The following TIMP3 variants were observed in gnomAD, a reference collection of about 807,000 sequenced individuals.
TIMP3 encodes metalloproteinase inhibitor 3.
TIMP3 carries 11 observed loss-of-function variants against 30.0 expected under a neutral mutation model. The observed-to-expected ratio is 0.37, with a 90% CI of 0.23 to 0.61. The LOEUF (loss-of-function observed/expected upper bound fraction) is 0.61, where lower values mean the gene tolerates loss of function less well. Among genes scored for constraint, TIMP3 ranks in the 20% least tolerant of loss-of-function variants. TIMP3 has a pLI of 0.70. For synonymous variants in TIMP3, 112 were observed against 111.3 expected (o/e 1.01, Z -0.04); for missense variants, 181 against 276.8 (o/e 0.65, Z 2.45).
intron 1 of TIMP3, among the ~76,000 whole-genome samples, chr22:32,833,366 C>G (rs564311396): frequency 7.2e-5 from 11 of 152,086 alleles, no homozygotes; most frequent in African/African-American, 2.7e-4. Flanking sequence ...TTTTGTAAGC[C>G]CAAGATGTCA....
intron 1 of TIMP3, among the ~76,000 whole-genome samples, chr22:32,803,852 T>C (rs1037579209): frequency 2.0e-5 from 3 of 152,108 alleles, no homozygotes; most frequent in African/African-American, 7.2e-5. Context: ...GTTTTTTTGG[T>C]ATGTAGTGGG....
intron 1 of TIMP3, among the ~76,000 whole-genome samples, chr22:32,841,545 C>G (rs2047902747): frequency 6.6e-6 from 1 of 152,080 alleles, no homozygotes; most frequent in Non-Finnish European, 1.5e-5. Context: ...GGCCTGTTAT[C>G]TGGAGCTCAG....
At chr22:32,811,577 G>T (rs530895069) in intron 1 of TIMP3, among the ~76,000 whole-genome samples, 1 of 152,304 alleles carries the variant, frequency 6.6e-6, no homozygotes, top group Admixed American at 6.5e-5. Flanking sequence ...ACAGGGCAGA[G>T]AAAGAAACAA....
intron 1 of TIMP3, among the ~76,000 whole-genome samples, chr22:32,806,161 G>C (rs773565956): frequency 6.6e-6 from 1 of 152,030 alleles, no homozygotes; most frequent in Non-Finnish European, 1.5e-5. Flanking sequence ...CCCAGTGGGA[G>C]GTACCCGGTC....
intron 1 of TIMP3, among the ~76,000 whole-genome samples, chr22:32,815,076 C>T (rs1483603509): frequency 1.3e-5 from 2 of 152,230 alleles, no homozygotes; most frequent in African/African-American, 2.4e-5. Context: ...TGCGTTTCAG[C>T]TACCTGTGGT....
At chr22:32,833,431 C>CA (rs568733893) in intron 1 of TIMP3, among the ~76,000 whole-genome samples, 6 of 151,658 alleles carry the variant, frequency 4.0e-5, no homozygotes, top group South Asian at 2.1e-4. Context: ...TTTTTATAGT[C>CA]AAAAAAAATG....
At chr22:32,833,682 C>T (rs989843306) in intron 1 of TIMP3, among the ~76,000 whole-genome samples, 2 of 152,176 alleles carry the variant, frequency 1.3e-5, no homozygotes, top group Non-Finnish European at 2.9e-5. Flanking sequence ...ATTCAGGCTG[C>T]CTGGACTGGC....
At chr22:32,849,175 G>A (rs906361826) in intron 1 of TIMP3, among the ~76,000 whole-genome samples, 2 of 152,152 alleles carry the variant, frequency 1.3e-5, no homozygotes, top group African/African-American at 4.8e-5. Flanking sequence ...AAATCCTCAG[G>A]GTCGGCGGGG....
intron 1 of TIMP3, among the ~76,000 whole-genome samples, chr22:32,813,446 C>T (rs1052249821): frequency 2.0e-5 from 3 of 147,678 alleles, no homozygotes; most frequent in Non-Finnish European, 3.0e-5. Context: ...TTAGGACAAG[C>T]AAGAAATCCA....
intron 1 of TIMP3, among the ~76,000 whole-genome samples, chr22:32,807,361 T>TATTATATATAATATATA (rs1569239658): frequency 2.7e-5 from 3 of 110,946 alleles, no homozygotes; most frequent in African/African-American, 3.8e-5. Flanking sequence ...ATATAATATA[T>TATTATATATAATATATA]AATATATATT....
At chr22:32,847,878 G>A (rs2048113147) in intron 1 of TIMP3, among the ~76,000 whole-genome samples, 1 of 152,198 alleles carries the variant, frequency 6.6e-6, no homozygotes, top group Non-Finnish European at 1.5e-5. Context: ...AATTCCTGTT[G>A]AGGTCTTAGC....
At chr22:32,842,569 A>G (rs948256582) in intron 1 of TIMP3, among the ~76,000 whole-genome samples, 4 of 152,210 alleles carry the variant, frequency 2.6e-5, no homozygotes, top group South Asian at 2.1e-4. Context: ...TCTACAAGTC[A>G]TCACCATCAG....
intron 1 of TIMP3, among the ~76,000 whole-genome samples, chr22:32,845,126 G>A (rs557273667): frequency 5.4e-4 from 82 of 152,210 alleles, no homozygotes; most frequent in Non-Finnish European, 9.3e-4. Flanking sequence ...CTCAGAGGCT[G>A]AGATTCACAC....
intron 1 of TIMP3, among the ~76,000 whole-genome samples, chr22:32,848,921 A>G (rs1293191075): frequency 1.3e-5 from 2 of 152,192 alleles, no homozygotes; most frequent in Non-Finnish European, 2.9e-5. Context: ...CAAGGGCTCA[A>G]TCAGAATGCT....
chr22:32,849,431 T>C (rs1569273709), intron 1 of TIMP3, 21 bp from the exon 2 acceptor site: 1 of 1,611,430 alleles, frequency 6.2e-7, no homozygotes, highest in Non-Finnish European at 8.5e-7. Flanking sequence ...AACCTCTTAT[T>C]GTCTCCTTCT....
chr22:32,811,182 G>A (rs950261000), intron 1 of TIMP3, among the ~76,000 whole-genome samples: 6 of 152,118 alleles, frequency 3.9e-5, no homozygotes, highest in South Asian at 2.1e-4. Context: ...GGGGGCAGCA[G>A]GGAAGGCATG....
At chr22:32,809,742 A>G (rs1569241649) in intron 1 of TIMP3, among the ~76,000 whole-genome samples, 2 of 152,252 alleles carry the variant, frequency 1.3e-5, no homozygotes, top group Non-Finnish European at 1.5e-5. Flanking sequence ...TGGTGTTTTC[A>G]TAAGCCTGGG....
intron 1 of TIMP3, among the ~76,000 whole-genome samples, chr22:32,824,339 A>G (rs971267331): frequency 5.6e-5 from 7 of 125,136 alleles, no homozygotes; most frequent in African/African-American, 2.1e-4. Flanking sequence ...CAGTTCCATC[A>G]GTGTTGTGAC....
At chr22:32,848,020 A>G (rs2048118277) in intron 1 of TIMP3, among the ~76,000 whole-genome samples, 1 of 151,904 alleles carries the variant, frequency 6.6e-6, no homozygotes, top group Admixed American at 6.6e-5. Context: ...AATGAATGTT[A>G]CTCTCTGCAA....
Sources: allele counts gnomAD v4.1 joint callset (sites outside exome capture counted in the v4.1 genomes callset), GRCh38; gene constraint gnomAD v4.1.1; transcripts MANE v1.5; gene names NCBI Gene and HGNC (gene_info 2026-07-23, HGNC 2026-07-21).